The following RBAK variants were observed in gnomAD, a reference collection of about 807,000 sequenced individuals.
RBAK encodes RB-associated KRAB zinc finger protein.
RBAK carries 39 observed loss-of-function variants against 65.8 expected under a neutral mutation model. The observed-to-expected ratio is 0.59, with a 90% CI of 0.46 to 0.77. The LOEUF (loss-of-function observed/expected upper bound fraction) is 0.77, where lower values mean the gene tolerates loss of function less well. Among genes scored for constraint, RBAK ranks in the 30% least tolerant of loss-of-function variants. The probability of loss-of-function intolerance (pLI) is 0.00; values close to 1 mark genes in which losing one functional copy is unlikely to be tolerated. For missense variants in RBAK, 884 were observed against 855.1 expected (o/e 1.03, Z -0.42); for synonymous variants, 343 against 289.7 (o/e 1.18, Z -1.87).
chr7:5,046,389 C>G lies in RBAK; in HGVS notation c.-52C>G, dbSNP rs777078901. ...GCCGTGGGGCAGAGGCTGCGGAGCC[C>G]CAGAAGGGTAGGTCTTGGGTTTTCG... On this transcript the variant is annotated 5_prime_UTR_variant, in exon 1 of 5. Coordinates refer to ENST00000396912, the MANE Select transcript of RBAK (RefSeq NM_021163.4). 17 of 515,698 alleles carry G rather than the reference C, an allele frequency of 3.3e-5. No homozygotes were observed. Among genetic ancestry groups the G allele is most frequent in the Non-Finnish European group, 3.9e-6 (1 of 259,240 alleles). The allele number at this position is 515,698 out of a possible 1,614,324, so 31.9% of individuals were successfully genotyped here.
In RBAK at chr7:5,045,971, G is replaced by C. The variant is rs1044061837; in HGVS notation, c.-470G>C. 3.2e-6 allele frequency: 1 copy of C among 307,766 alleles called. No homozygotes were observed. Among genetic ancestry groups the C allele is most frequent in the African/African-American group, 2.3e-5 (1 of 42,568 alleles). 19.1% of individuals were successfully genotyped at this position (307,766 alleles called of 1,614,324 possible). A position where few individuals can be genotyped will look rare whatever the true frequency, so the allele number is the denominator to read the frequency against. ...TGCGGGGCTGGAGGTTGAGCGCCCGGGCCAGCACCTAGGCGGGCGCGGGGG... is the reference window on the plus strand; with the variant it reads ...TGCGGGGCTGGAGGTTGAGCGCCCGCGCCAGCACCTAGGCGGGCGCGGGGG... On this transcript the variant is annotated 5_prime_UTR_variant, in exon 1 of 5. Transcript: ENST00000396912.
At chr7:5,055,233 G>T (rs1788201034) in intron 2 of RBAK, among the ~76,000 whole-genome samples, 1 of 148,574 alleles carries the variant, frequency 6.7e-6, no homozygotes, top group Non-Finnish European at 1.5e-5. Context: ...GGACCGAGAA[G>T]ACTGAGGCAT....
At chr7:5,053,638 C>T (rs891846806) in intron 2 of RBAK, among the ~76,000 whole-genome samples, 6 of 152,158 alleles carry the variant, frequency 3.9e-5, no homozygotes, top group Admixed American at 6.5e-5. Context: ...CACACTGTTG[C>T]TCTTTATTTG....
rs1345249938 is a variant in RBAK, at chr7:5,063,981, G to C, written c.525G>C (p.Glu175Asp). The C allele has an allele frequency of 3.7e-6, 6 of 1,613,910 alleles. No homozygotes were observed. Among genetic ancestry groups the C allele is most frequent in the Non-Finnish European group, 2.5e-6 (3 of 1,179,944 alleles). ...AATGTGGGAAAACATATCATGGAGA[G>C]AAAATGTGTGAATTTAATCAAAATG... ...CNECGKTYHG[E>D]KMCEFNQNGD... Residue 175 changes from glutamate (E) to aspartate (D), a missense_variant, in exon 5 of 5, where the codon GAG becomes GAC. Physicochemically the swap from Glu to Asp is conservative, Grantham distance 45 (BLOSUM62 2). Transcript: ENST00000396912.
chr7:5,058,166 A>C (rs146266635), intron 4 of RBAK, among the ~76,000 whole-genome samples: 2,362 of 152,166 alleles, frequency 0.016, 58 homozygotes, highest in African/African-American at 0.054. Flanking sequence ...CCACCACCTC[A>C]CAGGTTCAAG....
intron 2 of RBAK, among the ~76,000 whole-genome samples, chr7:5,055,819 G>A (rs1369259657): frequency 2.0e-5 from 3 of 152,092 alleles, no homozygotes; most frequent in African/African-American, 4.8e-5. Context: ...CCTGTGGCCT[G>A]ACTGTGGATA....
At chr7:5,054,108 T>C (rs1788172508) in intron 2 of RBAK, among the ~76,000 whole-genome samples, 1 of 152,186 alleles carries the variant, frequency 6.6e-6, no homozygotes, top group African/African-American at 2.4e-5. Flanking sequence ...ATCAGTGCCT[T>C]GAAAACCATT....
chr7:5,062,336 C>T (rs1317804266), intron 4 of RBAK, among the ~76,000 whole-genome samples: 3 of 152,046 alleles, frequency 2.0e-5, no homozygotes, highest in African/African-American at 7.3e-5. Flanking sequence ...TAAAGCTGGG[C>T]GTCCGGGGGA....
intron 1 of RBAK, among the ~76,000 whole-genome samples, chr7:5,047,562 T>G (rs1184902620): frequency 1.3e-5 from 2 of 151,660 alleles, no homozygotes; most frequent in Non-Finnish European, 2.9e-5. Context: ...AGTTACAAAG[T>G]TACAAGTGCA....
chr7:5,048,183 T>A lies in RBAK; in HGVS notation c.15+92T>A. On this transcript the variant is annotated intron_variant, in intron 2 of 4. Transcript: ENST00000396912. The surrounding 1 kb of genome is among the most constrained non-coding windows in gnomAD (Gnocchi z 4.4). ...AGGATTCTTACCTTTTTTTTTTTCT[T>A]TTTTTTTGAGATGGAGTCTTGCTCT... is the stretch of plus-strand genomic sequence containing the variant. 6.4e-7 allele frequency: 1 copy of A among 1,560,220 alleles called. No homozygotes were observed. The highest frequency in any genetic ancestry group is 8.7e-7 in the Non-Finnish European group (1 of 1,150,450).
chr7:5,049,477 G>C (rs983299985), intron 2 of RBAK, among the ~76,000 whole-genome samples: 1 of 152,130 alleles, frequency 6.6e-6, no homozygotes, highest in South Asian at 2.1e-4. Flanking sequence ...CAGTGTTTTA[G>C]TTTTGTCCTT....
chr7:5,055,438 T>C (rs1463049697), intron 2 of RBAK, among the ~76,000 whole-genome samples: 7 of 152,198 alleles, frequency 4.6e-5, no homozygotes, highest in Non-Finnish European at 1.0e-4. Flanking sequence ...TCCATCAGTT[T>C]CTATTTTCTT....
Position 5,046,198 on chromosome 7 carries a change from C to T in RBAK, c.-243C>T, listed in dbSNP as rs1208483175. The T allele has an allele frequency of 8.4e-6, 4 of 478,974 alleles. No individual in the cohort carries two copies. Among genetic ancestry groups the T allele is most frequent in the Non-Finnish European group, 1.2e-5 (3 of 241,432 alleles). The allele number at this position is 478,974 out of a possible 1,614,324, so 29.7% of individuals were successfully genotyped here. On this transcript the variant is annotated 5_prime_UTR_variant, in exon 1 of 5. Transcript: ENST00000396912. The stretch of plus-strand genomic sequence containing the variant: ...GCCCAGGCTGCCGCTGTACGGTGAG[C>T]CCGAGGGAGGCGGATCTGGGTCCCG...
At chr7:5,057,267 C>A in intron 2 of RBAK, 28 bp from the exon 3 acceptor site, 1 of 1,613,968 alleles carries the variant, frequency 6.2e-7, no homozygotes, top group Non-Finnish European at 8.5e-7. Context: ...TTCCGTATCT[C>A]CCAATTCTGA....
chr7:5,051,356 T>A (rs552099954), intron 2 of RBAK, among the ~76,000 whole-genome samples: 5 of 152,134 alleles, frequency 3.3e-5, no homozygotes, highest in Non-Finnish European at 5.9e-5. Flanking sequence ...TTTTATATAT[T>A]TTTTTTCTGA....
At position 5,065,321 on chromosome 7, in the gene RBAK, C is replaced by T. The variant is rs371139350; in HGVS notation, c.1865C>T (p.Pro622Leu). ...IHHRIHSGEK[P>L]YECSKCGKVF... ...CATCGAATTCATTCAGGAGAGAAAC[C>T]CTATGAATGTAGTAAATGTGGAAAA... The change falls in exon 5 of 5, where the codon CCC (proline) becomes CTC (leucine). Residue 622 changes from proline (P) to leucine (L), a missense_variant. By Grantham distance (98) the Pro-to-Leu change is moderately conservative (BLOSUM62 -3). Transcript: ENST00000396912. This position sits in a 1 kb window ranked among gnomAD's most constrained non-coding sequence, Gnocchi z 5.3. 6.2e-6 allele frequency: 10 copies of T among 1,613,700 alleles called. No individual in the cohort carries two copies. Among genetic ancestry groups the T allele is most frequent in the Non-Finnish European group, 8.5e-6 (10 of 1,179,908 alleles).
chr7:5,049,492 C>T (rs1207810036), intron 2 of RBAK, among the ~76,000 whole-genome samples: 7 of 152,136 alleles, frequency 4.6e-5, no homozygotes, highest in African/African-American at 1.4e-4. Flanking sequence ...GTCCTTTTCA[C>T]GTTGCTGAGT....
chr7:5,064,860 A>T lies in RBAK; in HGVS notation c.1404A>T (p.Leu468Phe). The change falls in exon 5 of 5, where the codon TTA becomes TTT. Residue 468 changes from leucine (L) to phenylalanine (F), a missense_variant. Transcript: ENST00000396912. This position sits in a 1 kb window ranked among gnomAD's most constrained non-coding sequence, Gnocchi z 6.3. ...ECNECGKTFN[L>F]NSAFIRHRKV... ...ATGAATGTGGCAAAACCTTCAATTT[A>T]AATTCAGCCTTCATTAGACATCGGA... is the stretch of plus-strand genomic sequence containing the variant. 1.2e-6 allele frequency: 2 copies of T among 1,613,990 alleles called. No homozygotes were observed. The highest frequency in any genetic ancestry group is 1.7e-6 in the Non-Finnish European group (2 of 1,179,866).
In RBAK at chr7:5,065,615, T is replaced by A. The variant is rs765468882; in HGVS notation, c.*14T>A. 1 of 1,475,056 alleles carries A rather than the reference T, an allele frequency of 6.8e-7. No homozygotes were observed. The highest frequency in any genetic ancestry group is 2.4e-5 in the Admixed American group (1 of 42,492). The allele number at this position is 1,475,056 out of a possible 1,614,324, so 91.4% of individuals were successfully genotyped here. A position where few individuals can be genotyped will look rare whatever the true frequency, so the allele number is the denominator to read the frequency against. On this transcript the variant is annotated 3_prime_UTR_variant, in exon 5 of 5. Coordinates refer to ENST00000396912, the MANE Select transcript of RBAK (RefSeq NM_021163.4). The surrounding 1 kb of genome is among the most constrained non-coding windows in gnomAD (Gnocchi z 5.3). ...GAAAATCTCTGAAGTCAGATCTCAA[T>A]TTTTAGAAAACTCTCTGAATATAAT... is the stretch of plus-strand genomic sequence containing the variant.
Sources: allele counts gnomAD v4.1 joint callset (sites outside exome capture counted in the v4.1 genomes callset), GRCh38; gene constraint gnomAD v4.1.1; non-coding constraint Gnocchi (gnomAD v3.1); transcripts MANE v1.5; gene names NCBI Gene and HGNC (gene_info 2026-07-23, HGNC 2026-07-21).